The following RIMS2 variants were observed in gnomAD, a reference collection of about 807,000 sequenced individuals.
The protein encoded by RIMS2 is regulating synaptic membrane exocytosis 2.
RIMS2 carries 59 observed loss-of-function variants against 174.4 expected under a neutral mutation model. The ratio of observed to expected loss-of-function variants is 0.34; its 90% CI spans 0.27 to 0.42. The LOEUF (loss-of-function observed/expected upper bound fraction) is 0.42. RIMS2 is among the 10% of genes least tolerant of loss of function. The pLI is 1.00. For missense variants in RIMS2, 1,620 were observed against 1,666.3 expected (o/e 0.97, Z 0.48); for synonymous variants, 606 against 572.5 (o/e 1.06, Z -0.84).
At chr8:104,120,313 AATG>A (rs2098353142) in intron 19 of RIMS2, among the ~76,000 whole-genome samples, 1 of 152,198 alleles carries the variant, frequency 6.6e-6, no homozygotes, top group African/African-American at 2.4e-5. Flanking sequence ...TTTATCCAAA[AATG>A]ATATTATTAT....
intron 3 of RIMS2, among the ~76,000 whole-genome samples, chr8:103,793,150 T>C (rs1419034992): frequency 1.3e-5 from 2 of 152,186 alleles, no homozygotes; most frequent in African/African-American, 4.8e-5. Flanking sequence ...TTTAGACCAA[T>C]ATCCCTGATG....
In RIMS2 at chr8:103,916,425, T is replaced by C. The variant is rs780844853; in HGVS notation, c.1924T>C (p.Leu642=). 5.0e-6 allele frequency: 8 copies of C among 1,607,246 alleles called. No homozygotes were observed. The South Asian group carries it at 7.7e-5, about 16-fold the overall frequency. ...GACACCCACTATAGGTGATGAAGTA[T>C]TAGAATGGAATGGAAGACTACTGCA... The change falls in exon 8 of 24, where the codon TTA becomes CTA. Residue 642 remains leucine, a synonymous_variant. Transcript: ENST00000504942.
chr8:104,053,470 T>G (rs1381349789), intron 19 of RIMS2, among the ~76,000 whole-genome samples: 1 of 152,192 alleles, frequency 6.6e-6, no homozygotes, highest in Non-Finnish European at 1.5e-5. Flanking sequence ...GTATAAGAAC[T>G]AGTTCTGACA....
At chr8:104,246,093 T>C (rs1399061395) in intron 20 of RIMS2, among the ~76,000 whole-genome samples, 1 of 152,210 alleles carries the variant, frequency 6.6e-6, no homozygotes, top group East Asian at 1.9e-4. Context: ...CTGTTAGGGA[T>C]ATAAAAATGT....
At chr8:103,525,731 G>A (rs1290155797) in intron 1 of RIMS2, among the ~76,000 whole-genome samples, 1 of 152,108 alleles carries the variant, frequency 6.6e-6, no homozygotes, top group Non-Finnish European at 1.5e-5. Flanking sequence ...AAGTTCTTGA[G>A]CCCTTAATAT....
chr8:103,864,261 A>T (rs1437219496), intron 3 of RIMS2, among the ~76,000 whole-genome samples: 2 of 151,982 alleles, frequency 1.3e-5, no homozygotes, highest in Non-Finnish European at 2.9e-5. Flanking sequence ...TTCAGGTGTC[A>T]CATGAGGTTG....
chr8:104,159,914 C>T (rs932422003), intron 19 of RIMS2, among the ~76,000 whole-genome samples: 1 of 151,920 alleles, frequency 6.6e-6, no homozygotes, highest in Admixed American at 6.6e-5. Context: ...CAAGGCGGGC[C>T]GATCAACTGA....
chr8:103,787,406 G>C (rs1185702638), intron 3 of RIMS2, among the ~76,000 whole-genome samples: 2 of 150,976 alleles, frequency 1.3e-5, no homozygotes. Context: ...GCAGCAGCTG[G>C]TACCGGTTGT....
chr8:103,629,989 TA>T (rs967775836), intron 1 of RIMS2, among the ~76,000 whole-genome samples: 123 of 149,580 alleles, frequency 8.2e-4, no homozygotes, highest in African/African-American at 2.4e-3. Flanking sequence ...AGTACAAAAC[TA>T]AAAAAAAAAT....
intron 1 of RIMS2, among the ~76,000 whole-genome samples, chr8:103,541,713 A>G (rs1283901697): frequency 6.6e-6 from 1 of 152,238 alleles, no homozygotes; most frequent in African/African-American, 2.4e-5. Context: ...TATGAAGGTT[A>G]ACTATTAAAA....
intron 1 of RIMS2, among the ~76,000 whole-genome samples, chr8:103,667,933 T>G (rs1216311411): frequency 6.6e-6 from 1 of 152,202 alleles, no homozygotes; most frequent in Non-Finnish European, 1.5e-5. Flanking sequence ...GCAGGGGCAG[T>G]CTTTCCTTGA....
intron 3 of RIMS2, among the ~76,000 whole-genome samples, chr8:103,846,799 A>C (rs1368298273): frequency 6.6e-6 from 1 of 152,026 alleles, no homozygotes; most frequent in Non-Finnish European, 1.5e-5. Flanking sequence ...CTGATACTTA[A>C]ATATTTTTTT....
chr8:103,962,261 A>G (rs2090380136), intron 15 of RIMS2, among the ~76,000 whole-genome samples: 1 of 151,994 alleles, frequency 6.6e-6, no homozygotes, highest in Non-Finnish European at 1.5e-5. Flanking sequence ...TGATCATTTT[A>G]AGTTTTTCCC....
intron 1 of RIMS2, among the ~76,000 whole-genome samples, chr8:103,588,872 C>T (rs2094111526): frequency 6.6e-6 from 1 of 151,716 alleles, no homozygotes; most frequent in African/African-American, 2.4e-5. Context: ...GAGTGATATC[C>T]CACAAACACA....
chr8:103,767,731 G>A (rs566549893), intron 3 of RIMS2, among the ~76,000 whole-genome samples: 12 of 152,240 alleles, frequency 7.9e-5, no homozygotes, highest in African/African-American at 2.9e-4. Flanking sequence ...TACATTGCTG[G>A]ATCTTGAGAG....
At chr8:103,566,377 T>C (rs548956677) in intron 1 of RIMS2, among the ~76,000 whole-genome samples, 1 of 152,304 alleles carries the variant, frequency 6.6e-6, no homozygotes, top group East Asian at 1.9e-4. Context: ...CTTTCTCAGT[T>C]GTTTCAGGGA....
intron 1 of RIMS2, among the ~76,000 whole-genome samples, chr8:103,679,678 G>A (rs1179487455): frequency 6.6e-6 from 1 of 151,914 alleles, no homozygotes; most frequent in African/African-American, 2.4e-5. Context: ...AGTTTCCTTA[G>A]TGATGAGGGA....
At chr8:103,933,336 A>C (rs1281479946) in intron 12 of RIMS2, among the ~76,000 whole-genome samples, 1 of 58,252 alleles carries the variant, frequency 1.7e-5, no homozygotes, top group African/African-American at 1.1e-4. Flanking sequence ...CACACACACA[A>C]TTAGCCAGGA....
At chr8:103,721,505 T>G (rs1019939608) in intron 2 of RIMS2, among the ~76,000 whole-genome samples, 2 of 152,182 alleles carry the variant, frequency 1.3e-5, no homozygotes, top group Non-Finnish European at 2.9e-5. Flanking sequence ...AAGATGATAT[T>G]AGTAAGAAAT....
Sources: gnomAD v4.1 joint callset for allele counts (sites outside exome capture counted in the v4.1 genomes callset) on GRCh38, gnomAD v4.1.1 for gene constraint, MANE v1.5 for transcripts, NCBI Gene and HGNC (gene_info 2026-07-23, HGNC 2026-07-21) for gene names.